Variants in FGF13 observed in about 807,000 individuals in gnomAD.
FGF13 encodes the protein fibroblast growth factor 13.
FGF13 carries 2 observed loss-of-function variants against 19.5 expected under a neutral mutation model. The observed-to-expected ratio is 0.10, with a 90% CI of 0.04 to 0.32. The LOEUF (loss-of-function observed/expected upper bound fraction) is 0.32. Ranked by LOEUF, FGF13 falls within the 10% of genes least tolerant of loss-of-function variation. The pLI, the probability that FGF13 is intolerant of heterozygous loss-of-function variation, is 1.00. For synonymous variants in FGF13, 72 were observed against 76.9 expected (o/e 0.94, Z 0.33); for missense variants, 113 against 192.7 (o/e 0.59, Z 2.45).
At position 138,628,590 on chromosome X, in the gene FGF13, G is replaced by T. The variant is rs1432374701; in HGVS notation, c.*4260C>A. The T allele has an allele frequency of 8.9e-6, 1 of 112,336 alleles. No homozygotes were observed. The highest frequency in any genetic ancestry group is 2.8e-4 in the East Asian group (1 of 3,570). The allele number at this position is 112,336 out of a possible 1,213,427, so 9.3% of individuals were successfully genotyped here. A position where few individuals can be genotyped will look rare whatever the true frequency, so the allele number is the denominator to read the frequency against. ...TGAGGCTTCTAAGACACATTCGTATGAAATTTGTTGAAAATGGTTATCAGT... is the reference window on the plus strand; with the variant it reads ...TGAGGCTTCTAAGACACATTCGTATTAAATTTGTTGAAAATGGTTATCAGT... On this transcript the variant is annotated 3_prime_UTR_variant, in exon 5 of 5. Coordinates refer to ENST00000315930, the MANE Select transcript of FGF13 (RefSeq NM_004114.5).
intron 3 of FGF13, among the ~76,000 whole-genome samples, chrX:138,659,188 G>C (rs887966689): frequency 4.5e-5 from 5 of 112,031 alleles, no homozygotes; most frequent in Middle Eastern, 4.6e-3. Flanking sequence ...AATTAAGTAA[G>C]GCTAGGTGCA....
intron 1 of FGF13, among the ~76,000 whole-genome samples, chrX:138,905,778 T>G (rs368373920): frequency 8.9e-6 from 1 of 112,127 alleles, no homozygotes; most frequent in African/African-American, 3.2e-5. Context: ...AAAGTCCACA[T>G]TAGAGCATGT....
chrX:138,729,687 A>AAAAC (rs756234277), intron 1 of FGF13, among the ~76,000 whole-genome samples: 2,770 of 109,568 alleles, frequency 0.025, 92 homozygotes, highest in African/African-American at 0.084. Context: ...TAAGCCTAAT[A>AAAAC]AAACAAACAA....
intron 1 of FGF13, among the ~76,000 whole-genome samples, chrX:139,161,550 G>T (rs768768086): frequency 1.8e-5 from 2 of 111,182 alleles, no homozygotes; most frequent in Non-Finnish European, 3.8e-5. Context: ...GTCTGGCCAC[G>T]GCACTCAGGC....
chrX:138,805,604 T>A (rs1458192951), intron 3 of FGF13, among the ~76,000 whole-genome samples: 2 of 111,864 alleles, frequency 1.8e-5, no homozygotes, highest in African/African-American at 3.2e-5. Context: ...AATTGCATAA[T>A]TCAAAAAAGC....
At chrX:138,773,056 A>T (rs1056071635) in intron 3 of FGF13, among the ~76,000 whole-genome samples, 11 of 110,170 alleles carry the variant, frequency 1.0e-4, no homozygotes, top group Non-Finnish European at 1.9e-4. Context: ...AAATAAAAAT[A>T]TATAAATAAT....
At chrX:139,145,625 C>T (rs1438659052) in intron 1 of FGF13, among the ~76,000 whole-genome samples, 1 of 110,045 alleles carries the variant, frequency 9.1e-6, no homozygotes, top group African/African-American at 3.3e-5. Context: ...CGGTCCCTTT[C>T]TGCACCTTTC....
At chrX:138,761,791 A>T (rs932808818) in intron 3 of FGF13, among the ~76,000 whole-genome samples, 2 of 111,161 alleles carry the variant, frequency 1.8e-5, no homozygotes, top group Admixed American at 1.9e-4. Context: ...CCATACCTTG[A>T]CTTTCCTGAC....
chrX:138,654,806 A>C (rs2089419251), intron 3 of FGF13, among the ~76,000 whole-genome samples: 2 of 111,444 alleles, frequency 1.8e-5, no homozygotes, highest in South Asian at 7.7e-4. Flanking sequence ...CAGGTAATGA[A>C]ATTCTGTGAC....
chrX:139,028,211 TA>T (rs950351618), intron 1 of FGF13, among the ~76,000 whole-genome samples: 1 of 111,937 alleles, frequency 8.9e-6, no homozygotes, highest in Non-Finnish European at 1.9e-5. Flanking sequence ...AATATCTTTA[TA>T]AACATATTTT....
At chrX:138,966,504 C>A (rs1321399826) in intron 1 of FGF13, among the ~76,000 whole-genome samples, 3 of 112,122 alleles carry the variant, frequency 2.7e-5, no homozygotes, top group Non-Finnish European at 5.6e-5. Flanking sequence ...CCTGTAGGCC[C>A]TTTGTTTTGG....
intron 1 of FGF13, among the ~76,000 whole-genome samples, chrX:138,883,045 A>G (rs2091435437): frequency 8.9e-6 from 1 of 112,131 alleles, no homozygotes; most frequent in Non-Finnish European, 1.9e-5. Context: ...GTAAAGAAGA[A>G]GCACAGACAC....
rs981960103 is a variant in FGF13, at chrX:138,808,095, T to C, written c.217+49417A>G. Among the ~76,000 whole-genome samples, 3 of 111,622 alleles carry C rather than the reference T, an allele frequency of 2.7e-5. No individual in the cohort carries two copies. The Admixed American group carries it at 2.9e-4, about 11-fold the overall frequency. Reference sequence around the variant, plus strand: ...TCAGCTCTGCACCAAGCGGACCTAATAGACATCTACGGAACTCTCCACCCC... The same window carrying C: ...TCAGCTCTGCACCAAGCGGACCTAACAGACATCTACGGAACTCTCCACCCC... On this transcript the variant is annotated intron_variant, in intron 3 of 6. Transcript: ENST00000436198.
intron 3 of FGF13, among the ~76,000 whole-genome samples, chrX:138,648,339 C>T (rs1056482262): frequency 9.0e-6 from 1 of 111,557 alleles, no homozygotes; most frequent in Non-Finnish European, 1.9e-5. Flanking sequence ...CTGCTGCCTA[C>T]AGGATAAAAT....
intron 1 of FGF13, among the ~76,000 whole-genome samples, chrX:138,938,544 G>A (rs1165725532): frequency 1.8e-5 from 2 of 110,846 alleles, no homozygotes; most frequent in African/African-American, 3.3e-5. Context: ...TGGGATTCAC[G>A]GGATTCTGCC....
intron 3 of FGF13, among the ~76,000 whole-genome samples, chrX:138,839,834 G>A (rs1233513635): frequency 8.9e-6 from 1 of 111,951 alleles, no homozygotes; most frequent in Non-Finnish European, 1.9e-5. Flanking sequence ...AAAACTTATA[G>A]TTCAAAATTC....
At position 138,882,692 on chromosome X, in the gene FGF13, G is replaced by A. The variant is rs766699547; in HGVS notation, c.-112-18042C>T. Among the ~76,000 whole-genome samples, 51 of 111,885 alleles carry A rather than the reference G, an allele frequency of 4.6e-4. 1 individual carries two copies. Among genetic ancestry groups the A allele is most frequent in the South Asian group, 1.1e-3 (3 of 2,646 alleles). On this transcript the variant is annotated intron_variant, in intron 1 of 2. Transcript: ENST00000421460. Reference sequence around the variant, plus strand: ...ACTCAGTTGGGCTGGTTTCAGTACAGAAGTTAACCTGTTTAGTGCAGTAGA... The same window carrying A: ...ACTCAGTTGGGCTGGTTTCAGTACAAAAGTTAACCTGTTTAGTGCAGTAGA...
chrX:138,644,771 T>C (rs2089288824), intron 3 of FGF13, among the ~76,000 whole-genome samples: 1 of 112,039 alleles, frequency 8.9e-6, no homozygotes, highest in African/African-American at 3.2e-5. Context: ...GAAGTCACTA[T>C]AGCATTCTTT....
At chrX:139,175,259 T>G (rs2084170723) in intron 1 of FGF13, among the ~76,000 whole-genome samples, 1 of 112,232 alleles carries the variant, frequency 8.9e-6, no homozygotes, top group South Asian at 3.7e-4. Context: ...ATCCTGAGAC[T>G]TTGCTAAATT....
Sources: allele counts gnomAD v4.1 joint callset (sites outside exome capture counted in the v4.1 genomes callset), GRCh38; gene constraint gnomAD v4.1.1; transcripts MANE v1.5; gene names NCBI Gene and HGNC (gene_info 2026-07-23, HGNC 2026-07-21).